ACSF2: variants seen among roughly 807,000 people sequenced by gnomAD.
The protein encoded by ACSF2 is acyl-CoA synthetase family member 2, also known as medium-chain acyl-CoA ligase ACSF2, mitochondrial.
Under a neutral mutation model 79.3 loss-of-function variants are expected in ACSF2, and 52 were observed. The observed-to-expected ratio is 0.66, with a 90% CI of 0.53 to 0.83. The LOEUF (loss-of-function observed/expected upper bound fraction) is 0.83. Ranked by LOEUF, ACSF2 falls within the 40% of genes least tolerant of loss-of-function variation. The probability of loss-of-function intolerance (pLI) is 0.00; values close to 1 mark genes in which losing one functional copy is unlikely to be tolerated. For missense variants in ACSF2, 661 were observed against 803.3 expected (o/e 0.82, Z 2.14); for synonymous variants, 283 against 312.6 (o/e 0.91, Z 1.00).
chr17:50,430,775 A>G (rs1047960524), intron 1 of ACSF2, among the ~76,000 whole-genome samples: 1 of 152,230 alleles, frequency 6.6e-6, no homozygotes, highest in Non-Finnish European at 1.5e-5. Flanking sequence ...TTGTATCACA[A>G]ATTTTGTTAA....
intron 1 of ACSF2, among the ~76,000 whole-genome samples, chr17:50,438,992 A>G (rs1471965057): frequency 6.6e-6 from 1 of 152,124 alleles, no homozygotes; most frequent in Non-Finnish European, 1.5e-5. Context: ...CATGGAAAGT[A>G]CTTAGAATCA....
intron 10 of ACSF2, chr17:50,467,753 G>A: frequency 2.9e-6 from 1 of 344,894 alleles, no homozygotes; most frequent in Non-Finnish European, 5.2e-6. Context: ...TTGGGGGTTT[G>A]GAAGCACTGG....
chr17:50,472,437 A>T lies in ACSF2; in HGVS notation c.1333A>T (p.Met445Leu). ...RIMPHTEARI[M>L]NMEAGTLAKL... ...GGCCATCCTGTCCCAGGCCCGGATC[A>T]TGAACATGGAGGCAGGGACGCTGGC... Residue 445 changes from methionine (M) to leucine (L), a missense_variant, in exon 12 of 16, where the codon ATG (methionine) becomes TTG (leucine). By Grantham distance (15) the Met-to-Leu change is conservative (BLOSUM62 2). Coordinates refer to ENST00000300441, the MANE Select transcript of ACSF2 (RefSeq NM_025149.6). The T allele has an allele frequency of 6.2e-7, 1 of 1,612,448 alleles. No homozygotes were observed. The highest frequency in any genetic ancestry group is 8.5e-7 in the Non-Finnish European group (1 of 1,179,270).
At chr17:50,456,338 G>C (rs887245752) in intron 1 of ACSF2, among the ~76,000 whole-genome samples, 9 of 152,158 alleles carry the variant, frequency 5.9e-5, no homozygotes, top group African/African-American at 2.2e-4. Flanking sequence ...CAGAAACCCT[G>C]AAGAGAGAAG....
chr17:50,447,441 C>G (rs969100772), intron 1 of ACSF2, among the ~76,000 whole-genome samples: 3 of 151,808 alleles, frequency 2.0e-5, no homozygotes, highest in African/African-American at 7.3e-5. Flanking sequence ...TCGGGGGGTG[C>G]TGGGACAGGA....
chr17:50,434,702 T>A (rs1183311792), intron 1 of ACSF2, among the ~76,000 whole-genome samples: 1 of 151,996 alleles, frequency 6.6e-6, no homozygotes, highest in African/African-American at 2.4e-5. Flanking sequence ...ATAATTTTTT[T>A]TTTTTTTACT....
At chr17:50,439,057 C>A (rs2030669081) in intron 1 of ACSF2, among the ~76,000 whole-genome samples, 1 of 151,606 alleles carries the variant, frequency 6.6e-6, no homozygotes, top group African/African-American at 2.4e-5. Context: ...TATCAATAAA[C>A]AATACATATT....
At chr17:50,427,867 A>G (rs1451259752) in intron 1 of ACSF2, among the ~76,000 whole-genome samples, 1 of 152,164 alleles carries the variant, frequency 6.6e-6, no homozygotes, top group Non-Finnish European at 1.5e-5. Context: ...CTTCAGAGAA[A>G]TTCTTATTGC....
chr17:50,439,232 C>CG (rs1296228793), intron 1 of ACSF2, among the ~76,000 whole-genome samples: 1 of 96,462 alleles, frequency 1.0e-5, no homozygotes, highest in Non-Finnish European at 2.0e-5. Flanking sequence ...TACCACACAG[C>CG]TTTTTTTTTT....
intron 1 of ACSF2, among the ~76,000 whole-genome samples, chr17:50,459,459 T>G (rs2032203478): frequency 6.6e-6 from 1 of 152,180 alleles, no homozygotes; most frequent in South Asian, 2.1e-4. Flanking sequence ...CCCAGGCTGA[T>G]CTCGAACTCC....
At chr17:50,449,406 CTTT>C (rs1016128212) in intron 1 of ACSF2, among the ~76,000 whole-genome samples, 1 of 136,862 alleles carries the variant, frequency 7.3e-6, no homozygotes, top group African/African-American at 2.7e-5. Context: ...ACTTCATTTC[CTTT>C]TTTTTTTTTC....
chr17:50,430,820 C>G (rs1326468471), intron 1 of ACSF2, among the ~76,000 whole-genome samples: 2 of 152,168 alleles, frequency 1.3e-5, no homozygotes, highest in African/African-American at 4.8e-5. Context: ...TAGTTAGGAG[C>G]AAAATGCCTT....
intron 1 of ACSF2, among the ~76,000 whole-genome samples, chr17:50,434,141 C>G (rs558260303): frequency 8.2e-4 from 124 of 151,494 alleles, no homozygotes; most frequent in African/African-American, 2.7e-3. Context: ...TAGGGAGACC[C>G]CATCTCTACA....
chr17:50,463,409 G>A lies in ACSF2; in HGVS notation c.903G>A (p.Leu301=). ...TCCATCACCAGACACCAGAGCAGTT[G>A]CGGATGATCCTGCCCAACCCCCTGT... ...LKLHEKTPEQ[L]RMILPNPLYH... is the part of the protein sequence containing the mutation. Residue 301 remains leucine (L), a synonymous_variant, in exon 8 of 16, where the codon TTG becomes TTA. Coordinates refer to ENST00000300441, the MANE Select transcript of ACSF2 (RefSeq NM_025149.6). This position sits in a 1 kb window ranked among gnomAD's most constrained non-coding sequence, Gnocchi z 4.6. 6.2e-7 allele frequency: 1 copy of A among 1,614,042 alleles called. No homozygotes were observed. The highest frequency in any genetic ancestry group is 8.5e-7 in the Non-Finnish European group (1 of 1,180,000).
intron 11 of ACSF2, chr17:50,472,214 C>A (rs150451066): frequency 1.8e-6 from 1 of 542,016 alleles, no homozygotes; most frequent in Non-Finnish European, 3.1e-6. Context: ...GGACTCAGCT[C>A]TTCTTTCATG....
In ACSF2 at chr17:50,465,359, G is replaced by T; in HGVS notation, c.1215+1065G>T. ...GAACTTGCAGCTGCGGAAGGCGTCC[G>T]TGTCACGGATGTGCTGGCCCTTGAA... On this transcript the variant is annotated intron_variant, in intron 10 of 15. Coordinates refer to ENST00000300441, the MANE Select transcript of ACSF2 (RefSeq NM_025149.6). The T allele has an allele frequency of 3.1e-6, 5 of 1,614,092 alleles. No homozygotes were observed. The South Asian group carries it at 5.5e-5, about 18-fold the overall frequency.
At chr17:50,427,113 T>A in intron 1 of ACSF2, 1 of 900,122 alleles carries the variant, frequency 1.1e-6, no homozygotes, top group Non-Finnish European at 1.7e-6. Context: ...GCAGCACCAC[T>A]GGGGAGCCCT....
chr17:50,474,643 C>G lies in ACSF2; in HGVS notation c.*91C>G. On this transcript the variant is annotated 3_prime_UTR_variant, in exon 16 of 16. Transcript: ENST00000300441. This position sits in a 1 kb window ranked among gnomAD's most constrained non-coding sequence, Gnocchi z 4.2. The stretch of plus-strand genomic sequence containing the variant: ...TATGCACCTAGATGTCCCCAGCACC[C>G]AGTTCTGAGCCAGGCACATCAAATG... 7.6e-7 allele frequency: 1 copy of G among 1,307,960 alleles called. No individual in the cohort carries two copies. The highest frequency in any genetic ancestry group is 1.1e-6 in the Non-Finnish European group (1 of 910,478). The allele number at this position is 1,307,960 out of a possible 1,614,324, so 81.0% of individuals were successfully genotyped here. A position where few individuals can be genotyped will look rare whatever the true frequency, so the allele number is the denominator to read the frequency against.
intron 1 of ACSF2, among the ~76,000 whole-genome samples, chr17:50,459,007 T>C (rs1567852955): frequency 6.6e-6 from 1 of 152,212 alleles, no homozygotes; most frequent in East Asian, 1.9e-4. Context: ...AGTCCTAGCA[T>C]AGTACTTGGC....
Sources: gnomAD v4.1 joint callset for allele counts (sites outside exome capture counted in the v4.1 genomes callset) on GRCh38, gnomAD v4.1.1 for gene constraint, Gnocchi (gnomAD v3.1) non-coding constraint, MANE v1.5 for transcripts, NCBI Gene and HGNC (gene_info 2026-07-23, HGNC 2026-07-21) for gene names.